Variants in TRHDE observed in about 807,000 individuals in gnomAD.
TRHDE encodes thyrotropin-releasing hormone-degrading ectoenzyme.
A neutral mutation model predicts 125.7 loss-of-function variants in TRHDE; 72 were observed. The ratio of observed to expected loss-of-function variants is 0.57; its 90% CI spans 0.47 to 0.70. TRHDE has a LOEUF of 0.70. Ranked by LOEUF, TRHDE falls within the 30% of genes least tolerant of loss-of-function variation. The pLI is 0.00. For missense variants in TRHDE, 1,110 were observed against 1,327.1 expected, an observed-to-expected ratio of 0.84 and a Z score of 2.54; for synonymous variants, 509 against 509.1, an observed-to-expected ratio of 1.00 and a Z score of 0.00.
chr12:72,642,332 A>T (rs1269692367), intron 15 of TRHDE, among the ~76,000 whole-genome samples: 1 of 152,206 alleles, frequency 6.6e-6, no homozygotes, highest in Non-Finnish European at 1.5e-5. Flanking sequence ...TAAGATAACA[A>T]AGTTAAATAT....
chr12:72,358,784 A>G (rs1032636106), intron 2 of TRHDE, among the ~76,000 whole-genome samples: 2 of 151,656 alleles, frequency 1.3e-5, no homozygotes, highest in Non-Finnish European at 3.0e-5. Flanking sequence ...AAAAGGTACA[A>G]ATATTATTAG....
intron 2 of TRHDE, among the ~76,000 whole-genome samples, chr12:72,298,951 G>T (rs1045251411): frequency 1.3e-5 from 2 of 152,160 alleles, no homozygotes; most frequent in African/African-American, 4.8e-5. Flanking sequence ...TTAGGTTGCA[G>T]TTGGCATGAA....
chr12:72,171,577 C>T (rs1592468851), intron 2 of TRHDE, among the ~76,000 whole-genome samples: 3 of 152,180 alleles, frequency 2.0e-5, no homozygotes, highest in Admixed American at 2.0e-4. Flanking sequence ...ATGTCCTGGT[C>T]CATTTCTGAG....
At chr12:72,212,098 T>C (rs535965140) in intron 2 of TRHDE, among the ~76,000 whole-genome samples, 3 of 152,270 alleles carry the variant, frequency 2.0e-5, no homozygotes, top group Admixed American at 6.5e-5. Flanking sequence ...TAGAAGTAGT[T>C]GTTTTTGAAT....
At chr12:72,592,905 GT>G (rs1871753100) in intron 12 of TRHDE, among the ~76,000 whole-genome samples, 1 of 152,060 alleles carries the variant, frequency 6.6e-6, no homozygotes, top group Non-Finnish European at 1.5e-5. Flanking sequence ...TAGAGACACG[GT>G]TTTGCCATGT....
chr12:72,125,089 A>G (rs1053518396), intron 2 of TRHDE, among the ~76,000 whole-genome samples: 1 of 152,038 alleles, frequency 6.6e-6, no homozygotes, highest in African/African-American at 2.4e-5. Flanking sequence ...TTTATTTAAG[A>G]TTTTCCACAC....
intron 12 of TRHDE, among the ~76,000 whole-genome samples, chr12:72,610,230 T>C (rs561953735): frequency 6.6e-6 from 1 of 152,346 alleles, no homozygotes; most frequent in Admixed American, 6.5e-5. Context: ...TAAGCTTTTG[T>C]AATAATTTTT....
chr12:72,395,703 G>A (rs1266208635), intron 3 of TRHDE, among the ~76,000 whole-genome samples: 1 of 151,954 alleles, frequency 6.6e-6, no homozygotes, highest in African/African-American at 2.4e-5. Flanking sequence ...CCTACTCTAT[G>A]CTTATTCTAT....
chr12:72,251,150 G>T (rs1267527124), intron 2 of TRHDE, among the ~76,000 whole-genome samples: 1 of 151,698 alleles, frequency 6.6e-6, no homozygotes, highest in African/African-American at 2.4e-5. Context: ...GGTTTTACAT[G>T]CATTCATTTG....
chr12:72,250,113 A>G (rs1269667107), intron 2 of TRHDE, among the ~76,000 whole-genome samples: 2 of 152,206 alleles, frequency 1.3e-5, no homozygotes, highest in Admixed American at 1.3e-4. Context: ...TATAGTGATA[A>G]AAAGCAAAAT....
At chr12:72,449,470 A>AT (rs549656354) in intron 3 of TRHDE, among the ~76,000 whole-genome samples, 28 of 150,930 alleles carry the variant, frequency 1.9e-4, no homozygotes, top group South Asian at 1.0e-3. Context: ...TGCCTCTACT[A>AT]TTTTTTTTCC....
intron 5 of TRHDE, among the ~76,000 whole-genome samples, chr12:72,497,973 TAA>T (rs35376761): frequency 0.23 from 35,635 of 151,920 alleles, 5,599 homozygotes; most frequent in East Asian, 0.48. Flanking sequence ...TAATTCAGTC[TAA>T]GTTTGAACTT....
At chr12:72,399,147 A>G (rs1009762293) in intron 3 of TRHDE, among the ~76,000 whole-genome samples, 1 of 152,222 alleles carries the variant, frequency 6.6e-6, no homozygotes, top group Non-Finnish European at 1.5e-5. Flanking sequence ...GAGATGAAAT[A>G]GTTTCATCCT....
intron 2 of TRHDE, among the ~76,000 whole-genome samples, chr12:72,109,588 G>T (rs1875269822): frequency 6.6e-6 from 1 of 151,780 alleles, no homozygotes; most frequent in Admixed American, 6.6e-5. Flanking sequence ...TGACAAAATG[G>T]CTGTCAAAGC....
intron 2 of TRHDE, among the ~76,000 whole-genome samples, chr12:72,372,195 G>C (rs1871630926): frequency 6.6e-6 from 1 of 152,092 alleles, no homozygotes; most frequent in Admixed American, 6.5e-5. Context: ...GTCTTCTTTT[G>C]AGAAGTGTCT....
intron 7 of TRHDE, among the ~76,000 whole-genome samples, chr12:72,559,397 A>C (rs1482700211): frequency 6.6e-6 from 1 of 152,206 alleles, no homozygotes; most frequent in Non-Finnish European, 1.5e-5. Flanking sequence ...TGAATGTTGG[A>C]CCTTGTGTTT....
intron 12 of TRHDE, among the ~76,000 whole-genome samples, chr12:72,591,830 C>T (rs766304009): frequency 6.6e-6 from 1 of 150,958 alleles, no homozygotes; most frequent in Non-Finnish European, 1.5e-5. Context: ...CTTCTGGCCT[C>T]GATAGTTTCT....
chr12:72,175,624 C>T (rs1350414575), intron 2 of TRHDE, among the ~76,000 whole-genome samples: 1 of 152,154 alleles, frequency 6.6e-6, no homozygotes, highest in East Asian at 1.9e-4. Flanking sequence ...ATGAGGTCAC[C>T]TTTTTGCTTA....
intron 1 of TRHDE, among the ~76,000 whole-genome samples, chr12:72,093,456 A>C (rs1349684686): frequency 6.6e-6 from 1 of 152,006 alleles, no homozygotes; most frequent in Non-Finnish European, 1.5e-5. Context: ...CCCAAAATTC[A>C]TATATTTGTA....
Sources: allele counts gnomAD v4.1 joint callset (sites outside exome capture counted in the v4.1 genomes callset), GRCh38; gene constraint gnomAD v4.1.1; transcripts MANE v1.5; gene names NCBI Gene and HGNC (gene_info 2026-07-23, HGNC 2026-07-21).